CACNA1B: variants seen among roughly 807,000 people sequenced by gnomAD.
CACNA1B encodes the protein voltage-dependent N-type calcium channel subunit alpha-1B.
Under a neutral mutation model 247.2 loss-of-function variants are expected in CACNA1B, and 70 were observed. That is an observed-to-expected ratio of 0.28 (90% CI 0.23 to 0.35). CACNA1B has a LOEUF of 0.35. Among genes scored for constraint, CACNA1B ranks in the 10% least tolerant of loss-of-function variants. The pLI is 1.00. For synonymous variants in CACNA1B, 1,231 were observed against 1,294.4 expected (o/e 0.95, Z 1.05); for missense variants, 2,367 against 3,197.4 (o/e 0.74, Z 6.26).
rs1319784966 is a variant in CACNA1B at position 138,074,084 on chromosome 9, G to C, written c.4857+18G>C. ...GCATGCAGGTGGGTGCTCCCCTTTGGGACAGAGCGTGGTTCCGGCCTCCCG... is the reference window on the plus strand; with the variant it reads ...GCATGCAGGTGGGTGCTCCCCTTTGCGACAGAGCGTGGTTCCGGCCTCCCG... On this transcript the variant is annotated intron_variant, in intron 34 of 46. Transcript: ENST00000371372. 1 of 1,603,330 alleles carries C rather than the reference G, an allele frequency of 6.2e-7. No homozygotes were observed.
chr9:137,937,947 C>CAAAAAAAAAAAA (rs57680122), intron 6 of CACNA1B, among the ~76,000 whole-genome samples: 1 of 21,924 alleles, frequency 4.6e-5, no homozygotes, highest in African/African-American at 1.3e-4. Context: ...AACTCTGTCT[C>CAAAAAAAAAAAA]AAAAAAAAAA....
At chr9:138,101,478 G>C (rs756956597) in intron 37 of CACNA1B, among the ~76,000 whole-genome samples, 12 of 152,244 alleles carry the variant, frequency 7.9e-5, no homozygotes, top group Non-Finnish European at 1.6e-4. Context: ...CTGCATCAAG[G>C]AAGCAGCCGA....
intron 36 of CACNA1B, among the ~76,000 whole-genome samples, chr9:138,081,204 A>G (rs565216609): frequency 8.5e-5 from 13 of 152,300 alleles, no homozygotes; most frequent in South Asian, 2.1e-4. Flanking sequence ...TCATGATACC[A>G]CACCACGTAC....
intron 6 of CACNA1B, among the ~76,000 whole-genome samples, chr9:137,949,581 G>A (rs181537386): frequency 1.6e-4 from 25 of 152,168 alleles, no homozygotes; most frequent in Admixed American, 1.5e-3. Context: ...ACTGGCTCAT[G>A]TGATCACAGA....
At chr9:138,096,645 G>T (rs201812877) in intron 37 of CACNA1B, 34 bp downstream of exon 37, 84 of 1,599,002 alleles carry the variant, frequency 5.3e-5, no homozygotes, top group Admixed American at 1.9e-4. Flanking sequence ...GGTCCTTGGG[G>T]GTGGTCCATG....
intron 31 of CACNA1B, among the ~76,000 whole-genome samples, chr9:138,067,684 G>A (rs1959968082): frequency 1.3e-5 from 2 of 152,248 alleles, no homozygotes; most frequent in Admixed American, 1.3e-4. Flanking sequence ...GGGCAACAGA[G>A]TAAGACTCTT....
In CACNA1B at chr9:137,986,379, G is replaced by A. The variant is rs759711611; in HGVS notation, c.1770-34G>A. ...AGCCATGAATGTGAAGTCAGCGTCTGGAGCTGGCTCAGACCCCCTGCCTGG... is the reference window on the plus strand; with the variant it reads ...AGCCATGAATGTGAAGTCAGCGTCTAGAGCTGGCTCAGACCCCCTGCCTGG... On this transcript the variant is annotated intron_variant, in intron 13 of 46. Transcript: ENST00000371372. The surrounding 1 kb of genome is among the most constrained non-coding windows in gnomAD (Gnocchi z 6.0). 1.6e-5 allele frequency: 26 copies of A among 1,611,396 alleles called. No individual in the cohort carries two copies. In the East Asian group the frequency reaches 5.8e-4, roughly 36 times the overall value.
chr9:138,024,479 C>G (rs978283766), intron 19 of CACNA1B, among the ~76,000 whole-genome samples: 1 of 152,154 alleles, frequency 6.6e-6, no homozygotes, highest in Non-Finnish European at 1.5e-5. Flanking sequence ...TGGGTCAGCC[C>G]CATCCCTGCC....
At chr9:138,037,613 C>G (rs533638988) in intron 20 of CACNA1B, among the ~76,000 whole-genome samples, 4 of 151,796 alleles carry the variant, frequency 2.6e-5, no homozygotes, top group Non-Finnish European at 4.4e-5. Context: ...GAGCTGAGAT[C>G]GCGCCATTTC....
chr9:137,930,344 T>C (rs1027038569), intron 6 of CACNA1B, among the ~76,000 whole-genome samples: 2 of 152,238 alleles, frequency 1.3e-5, no homozygotes, highest in Non-Finnish European at 2.9e-5. Context: ...ATTTCCTCTT[T>C]GACCTATGAG....
At chr9:137,984,094 G>C (rs973685521) in intron 12 of CACNA1B, 44 bp from the exon 13 acceptor site, 2 of 1,386,522 alleles carry the variant, frequency 1.4e-6, no homozygotes, top group Non-Finnish European at 2.0e-6. Flanking sequence ...TGCATGCACA[G>C]GTGCAGATAC....
intron 41 of CACNA1B, 84 bp from the exon 42 acceptor site, chr9:138,115,468 C>A: frequency 6.9e-7 from 1 of 1,440,094 alleles, no homozygotes; most frequent in Non-Finnish European, 9.4e-7. Context: ...GGCTTTTGCC[C>A]CATGCCACAT....
intron 15 of CACNA1B, among the ~76,000 whole-genome samples, chr9:138,005,589 A>C (rs1180739735): frequency 6.6e-6 from 1 of 152,222 alleles, no homozygotes; most frequent in Non-Finnish European, 1.5e-5. Context: ...TGTCTATTTC[A>C]AAATAATCAG....
At position 138,121,565 on chromosome 9, in the gene CACNA1B, A is replaced by G. The variant is rs1226405271; in HGVS notation, c.6586A>G (p.Thr2196Ala). The G allele has an allele frequency of 1.2e-6, 2 of 1,600,996 alleles. No homozygotes were observed. Among genetic ancestry groups the G allele is most frequent in the African/African-American group, 1.4e-5 (1 of 72,906 alleles). ...GRRQLPQTPL[T>A]PRPSITYKTA... The stretch of plus-strand genomic sequence containing the variant: ...GAGGCAGCTCCCCCAGACGCCCCTG[A>G]CTCCCCGCCCCAGCATCACCTACAA... The change falls in exon 47 of 47, where the codon ACT (threonine) becomes GCT (alanine). Residue 2196 changes from threonine to alanine, a missense_variant. By Grantham distance (58) the Thr-to-Ala change is moderately conservative. Transcript: ENST00000371372. This position sits in a 1 kb window ranked among gnomAD's most constrained non-coding sequence, Gnocchi z 6.8.
At chr9:137,994,507 A>G (rs1958473386) in intron 15 of CACNA1B, among the ~76,000 whole-genome samples, 1 of 152,260 alleles carries the variant, frequency 6.6e-6, no homozygotes, top group Non-Finnish European at 1.5e-5. Flanking sequence ...GCAAGGTTTC[A>G]AGATACAAAA....
At position 138,115,699 on chromosome 9, in the gene CACNA1B, A is replaced by C. The variant is rs202124450; in HGVS notation, c.5777+20A>C. 6.2e-7 allele frequency: 1 copy of C among 1,603,072 alleles called. No individual in the cohort carries two copies. Among genetic ancestry groups the C allele is most frequent in the South Asian group, 1.1e-5 (1 of 89,718 alleles). ...GGCCATGTGAGTATCCAGATGCAGG[A>C]CATAGCTGGACAGGAGGAGGTCCAA... is the stretch of plus-strand genomic sequence containing the variant. On this transcript the variant is annotated intron_variant, in intron 42 of 46. Transcript: ENST00000371372.
intron 21 of CACNA1B, 117 bp downstream of exon 21, chr9:138,044,017 T>A: frequency 7.3e-7 from 1 of 1,360,912 alleles, no homozygotes; most frequent in Non-Finnish European, 1.0e-6. Flanking sequence ...GAAACGGCTC[T>A]AAATCCCATG....
chr9:137,880,273 C>G lies in CACNA1B; in HGVS notation c.390+1114C>G, dbSNP rs1287035324. On this transcript the variant is annotated intron_variant, in intron 2 of 46. Coordinates refer to ENST00000371372, the MANE Select transcript of CACNA1B (RefSeq NM_000718.4). The surrounding 1 kb of genome is among the most constrained non-coding windows in gnomAD (Gnocchi z 4.8). ...TTAATGGAGCACAGTCTGGAATGCCCAGTGGTCTGGGTTACGGCCGGGTGA... is the reference window on the plus strand; with the variant it reads ...TTAATGGAGCACAGTCTGGAATGCCGAGTGGTCTGGGTTACGGCCGGGTGA... Among the ~76,000 whole-genome samples, 1 of 152,088 alleles carries G rather than the reference C, an allele frequency of 6.6e-6. No individual in the cohort carries two copies. The highest frequency in any genetic ancestry group is 2.4e-5 in the African/African-American group (1 of 41,406).
rs917106508 is a variant in CACNA1B, at chr9:138,100,063, G to C, written c.5223-2648G>C. Among the ~76,000 whole-genome samples, 19 of 152,256 alleles carry C rather than the reference G, an allele frequency of 1.2e-4. No individual in the cohort carries two copies. Among genetic ancestry groups the C allele is most frequent in the Admixed American group, 3.9e-4 (6 of 15,286 alleles). ...AGCTCAAGGCCAGGGCATTTCTGAG[G>C]AAGGAGAGGCCATGTCTGGCCTGAA... On this transcript the variant is annotated intron_variant, in intron 37 of 46. Transcript: ENST00000371372. The surrounding 1 kb of genome is among the most constrained non-coding windows in gnomAD (Gnocchi z 4.6).
Sources: allele counts gnomAD v4.1 joint callset (sites outside exome capture counted in the v4.1 genomes callset), GRCh38; gene constraint gnomAD v4.1.1; non-coding constraint Gnocchi (gnomAD v3.1); transcripts MANE v1.5; gene names NCBI Gene and HGNC (gene_info 2026-07-23, HGNC 2026-07-21).